Variants in VWA3B observed in about 807,000 individuals in gnomAD.
The protein encoded by VWA3B is von Willebrand factor A domain containing 3B.
In VWA3B, 138 loss-of-function variants were observed where a neutral mutation model predicts 158.3. The ratio of observed to expected loss-of-function variants is 0.87; its 90% CI spans 0.76 to 1.00. The LOEUF is 1.00. Ranked by LOEUF, VWA3B falls within the 50% of genes least tolerant of loss-of-function variation. The pLI is 0.00. For synonymous variants in VWA3B, 596 were observed against 587.3 expected (o/e 1.01, Z -0.21); for missense variants, 1,555 against 1,565.1 (o/e 0.99, Z 0.11).
At chr2:98,135,861 A>G (rs950833299) in intron 7 of VWA3B, among the ~76,000 whole-genome samples, 12 of 152,122 alleles carry the variant, frequency 7.9e-5, no homozygotes, top group African/African-American at 2.9e-4. Context: ...GTGATTTCCC[A>G]CCTCACCTGG....
At chr2:98,209,456 AT>A (rs1247462987) in intron 12 of VWA3B, among the ~76,000 whole-genome samples, 1 of 151,778 alleles carries the variant, frequency 6.6e-6, no homozygotes, top group East Asian at 1.9e-4. Context: ...AATTTTTTGT[AT>A]TTTTAGTAGA....
chr2:98,157,950 C>T (rs796602336), intron 7 of VWA3B, among the ~76,000 whole-genome samples: 39 of 152,294 alleles, frequency 2.6e-4, no homozygotes, highest in African/African-American at 8.2e-4. Flanking sequence ...GTCCTGGAAA[C>T]GATAGTACTT....
At chr2:98,316,445 C>A (rs547082070), downstream of VWA3B, among the ~76,000 whole-genome samples, 14 of 152,142 alleles carry the variant, frequency 9.2e-5, no homozygotes, top group Admixed American at 1.3e-4. Context: ...AAGTTCAAGA[C>A]CAGCCTGGGC....
chr2:98,237,192 A>G (rs1410912250), intron 19 of VWA3B, among the ~76,000 whole-genome samples: 1 of 152,210 alleles, frequency 6.6e-6, no homozygotes, highest in Non-Finnish European at 1.5e-5. Context: ...AACGAAAATA[A>G]GAATTCTCTT....
At chr2:98,202,901 C>T (rs898990796) in intron 12 of VWA3B, among the ~76,000 whole-genome samples, 13 of 152,068 alleles carry the variant, frequency 8.5e-5, no homozygotes, top group Admixed American at 4.6e-4. Context: ...GGCATGATCT[C>T]GGCTCACTGC....
chr2:98,135,021 T>C (rs1676153238), intron 7 of VWA3B, among the ~76,000 whole-genome samples: 1 of 152,090 alleles, frequency 6.6e-6, no homozygotes, highest in South Asian at 2.1e-4. Flanking sequence ...TTCGAGAAAA[T>C]GCCAACATAT....
intron 2 of VWA3B, among the ~76,000 whole-genome samples, chr2:98,113,437 G>GA (rs1674299676): frequency 1.3e-5 from 2 of 151,902 alleles, no homozygotes; most frequent in Admixed American, 6.6e-5. Flanking sequence ...ACATTTGGTT[G>GA]AAAAAAATCT....
intron 2 of VWA3B, among the ~76,000 whole-genome samples, chr2:98,112,852 T>C (rs1674249363): frequency 2.0e-5 from 3 of 152,066 alleles, no homozygotes; most frequent in Admixed American, 6.6e-5. Context: ...TTTTTTTCTC[T>C]TTGTTTATCA....
intron 16 of VWA3B, 28 bp from the exon 17 acceptor site, chr2:98,234,620 T>G: frequency 6.2e-7 from 1 of 1,613,932 alleles, no homozygotes; most frequent in Non-Finnish European, 8.5e-7. Context: ...CCCAATTCCT[T>G]TAACTCTTCC....
chr2:98,144,202 T>C (rs1676999285), intron 7 of VWA3B, among the ~76,000 whole-genome samples: 1 of 152,166 alleles, frequency 6.6e-6, no homozygotes. Flanking sequence ...TATACATGCA[T>C]ATATATGAAA....
chr2:98,203,263 G>A (rs1222269592), intron 12 of VWA3B, among the ~76,000 whole-genome samples: 2 of 152,156 alleles, frequency 1.3e-5, no homozygotes, highest in Non-Finnish European at 2.9e-5. Flanking sequence ...GTCTTTGTAT[G>A]GGTTCCCTGT....
intron 7 of VWA3B, among the ~76,000 whole-genome samples, chr2:98,158,118 G>T (rs184497881): frequency 6.6e-6 from 1 of 152,078 alleles, no homozygotes; most frequent in Non-Finnish European, 1.5e-5. Context: ...AGAGTTTCTT[G>T]TAATCATGAG....
intron 22 of VWA3B, among the ~76,000 whole-genome samples, chr2:98,286,978 C>T (rs1689199269): frequency 6.6e-6 from 1 of 152,128 alleles, no homozygotes; most frequent in African/African-American, 2.4e-5. Flanking sequence ...TGGGATTTCA[C>T]TCCACCTTCT....
chr2:98,226,698 A>G (rs1434929969), intron 14 of VWA3B, among the ~76,000 whole-genome samples: 1 of 150,818 alleles, frequency 6.6e-6, no homozygotes, highest in African/African-American at 2.4e-5. Context: ...TATCTAGAAT[A>G]TATGAAGAAC....
chr2:98,205,285 AT>A (rs1001054753), intron 12 of VWA3B, among the ~76,000 whole-genome samples: 1 of 152,078 alleles, frequency 6.6e-6, no homozygotes. Flanking sequence ...AAAAGTGTTC[AT>A]TTTTTTCTAA....
intron 9 of VWA3B, among the ~76,000 whole-genome samples, chr2:98,184,221 G>A (rs1245985157): frequency 6.6e-6 from 1 of 152,198 alleles, no homozygotes; most frequent in Admixed American, 6.5e-5. Context: ...CTGTGCATGA[G>A]GCACACTCGG....
chr2:98,238,233 C>G (rs545153650), intron 19 of VWA3B, among the ~76,000 whole-genome samples: 20 of 152,250 alleles, frequency 1.3e-4, no homozygotes, highest in African/African-American at 4.6e-4. Flanking sequence ...GTGTTCTCCT[C>G]TAGGCTGGTT....
At chr2:98,185,177 G>C (rs1044227822) in intron 9 of VWA3B, among the ~76,000 whole-genome samples, 3 of 152,114 alleles carry the variant, frequency 2.0e-5, no homozygotes, top group African/African-American at 7.2e-5. Context: ...CAGCCCCCCT[G>C]TCTGACCAAG....
chr2:98,190,707 A>G (rs1681502405), intron 10 of VWA3B, among the ~76,000 whole-genome samples: 1 of 152,148 alleles, frequency 6.6e-6, no homozygotes, highest in Non-Finnish European at 1.5e-5. Context: ...TGCATGATTT[A>G]TGATAAGAAG....
Sources: allele counts gnomAD v4.1 joint callset (sites outside exome capture counted in the v4.1 genomes callset), GRCh38; gene constraint gnomAD v4.1.1; transcripts MANE v1.5; gene names NCBI Gene and HGNC (gene_info 2026-07-23, HGNC 2026-07-21).